The following CEMIP2 variants were observed in gnomAD, a reference collection of about 807,000 sequenced individuals.
The protein encoded by CEMIP2 is cell surface hyaluronidase CEMIP2.
CEMIP2 carries 79 observed loss-of-function variants against 146.9 expected under a neutral mutation model. The observed-to-expected ratio is 0.54, with a 90% CI of 0.45 to 0.65. The LOEUF (loss-of-function observed/expected upper bound fraction) is 0.65, where lower values mean the gene tolerates loss of function less well. Ranked by LOEUF, CEMIP2 falls within the 30% of genes least tolerant of loss-of-function variation. The pLI is 0.00. For synonymous variants in CEMIP2, 601 were observed against 606.3 expected, an observed-to-expected ratio of 0.99 and a Z score of 0.13; for missense variants, 1,596 against 1,696.2, an observed-to-expected ratio of 0.94 and a Z score of 1.04.
chr9:71,749,584 T>C (rs990876856), intron 2 of CEMIP2, among the ~76,000 whole-genome samples: 1 of 152,120 alleles, frequency 6.6e-6, no homozygotes, highest in South Asian at 2.1e-4. Context: ...CACTTGCCTG[T>C]AGTCCCAGCT....
At chr9:71,737,155 C>CAA (rs34623620) in intron 5 of CEMIP2, among the ~76,000 whole-genome samples, 2,138 of 105,318 alleles carry the variant, frequency 0.02, 23 homozygotes, top group Middle Eastern at 0.047. Context: ...AGATCTTTCT[C>CAA]AAAAAAAAAA....
At position 71,729,889 on chromosome 9, in the gene CEMIP2, G is replaced by C; in HGVS notation, c.2005C>G (p.His669Asp). ...TTATTAATCAGATTATTGTTGGGAT[G>C]AGCAATCCAGAAAGTTGAAACAGCC... ...CMAVSTFWIA[H>D]PNNNLINNAA... is the part of the protein sequence containing the mutation. The change falls in exon 10 of 24, where the codon CAT becomes GAT. Residue 669 changes from histidine (H) to aspartate (D), a missense_variant. His to Asp is a moderately conservative substitution (Grantham distance 81). Transcript: ENST00000377044. 6.2e-7 allele frequency: 1 copy of C among 1,614,192 alleles called. No individual in the cohort carries two copies. The highest frequency in any genetic ancestry group is 8.5e-7 in the Non-Finnish European group (1 of 1,180,030).
At chr9:71,690,356 A>G (rs917217966) in intron 21 of CEMIP2, 110 bp from the exon 22 acceptor site, 10 of 1,323,436 alleles carry the variant, frequency 7.6e-6, no homozygotes, top group Middle Eastern at 2.7e-4. Flanking sequence ...GATTCAAAGT[A>G]TATTTCCAAG....
chr9:71,752,927 T>G (rs1824305479), intron 1 of CEMIP2, among the ~76,000 whole-genome samples: 1 of 152,152 alleles, frequency 6.6e-6, no homozygotes, highest in Non-Finnish European at 1.5e-5. Flanking sequence ...TTTGTGGGGT[T>G]TGATTTCTGA....
At position 71,734,913 on chromosome 9, in the gene CEMIP2, G is replaced by A. The variant is rs773624874; in HGVS notation, c.1286C>T (p.Pro429Leu). Residue 429 changes from proline (P) to leucine (L), a missense_variant, in exon 6 of 24, where the codon CCT becomes CTT. Pro to Leu is a moderately conservative substitution (Grantham distance 98, BLOSUM62 -3). Transcript: ENST00000377044. ...NLLDDVSSWK[P>L]GDQIVVASTD... ...GCTTGCGACCACAATCTGGTCTCCA[G>A]GTTTCCAACTACTAACATCATCTAG... 6.8e-6 allele frequency: 11 copies of A among 1,613,476 alleles called. No individual in the cohort carries two copies. The highest frequency in any genetic ancestry group is 9.3e-6 in the Non-Finnish European group (11 of 1,179,966).
intron 5 of CEMIP2, among the ~76,000 whole-genome samples, chr9:71,737,170 A>G (rs550329751): frequency 6.6e-4 from 87 of 132,112 alleles, no homozygotes; most frequent in South Asian, 1.2e-3. Context: ...AAAAAAAAAA[A>G]AAAGAAAGAA....
intron 18 of CEMIP2, among the ~76,000 whole-genome samples, chr9:71,702,107 A>T (rs551356778): frequency 2.0e-5 from 3 of 151,970 alleles, no homozygotes; most frequent in Non-Finnish European, 2.9e-5. Flanking sequence ...AAAGTACAAA[A>T]ATTAGCTGGG....
At chr9:71,690,830 T>C (rs1822206725) in intron 21 of CEMIP2, among the ~76,000 whole-genome samples, 1 of 152,210 alleles carries the variant, frequency 6.6e-6, no homozygotes. Context: ...TTCACAACTA[T>C]TGTGAGCTAA....
chr9:71,694,857 T>G (rs1016631441), intron 20 of CEMIP2, among the ~76,000 whole-genome samples: 4 of 152,246 alleles, frequency 2.6e-5, no homozygotes, highest in Admixed American at 1.3e-4. Flanking sequence ...GTTCCATAAC[T>G]GATTAAATAA....
rs1265553508 is a variant in CEMIP2, at chr9:71,709,425, C to T, written c.2819G>A (p.Cys940Tyr). ...GGAGTTCTTATCACCATCCATCTCACAATCTTCAAACCAGGGACCAGGCTT... is the reference window on the plus strand; with the variant it reads ...GGAGTTCTTATCACCATCCATCTCATAATCTTCAAACCAGGGACCAGGCTT... The part of the protein sequence containing the change: ...FGKPGPWFED[C>Y]EMDGDKNSIF... The change falls in exon 17 of 24, where the codon TGT becomes TAT. Residue 940 changes from cysteine (C) to tyrosine (Y), a missense_variant. By Grantham distance (194) the Cys-to-Tyr change is radical. Coordinates refer to ENST00000377044, the MANE Select transcript of CEMIP2 (RefSeq NM_013390.3). The T allele has an allele frequency of 1.2e-6, 2 of 1,614,176 alleles. No homozygotes were observed. The highest frequency in any genetic ancestry group is 1.1e-5 in the South Asian group (1 of 91,082).
At chr9:71,720,366 C>T (rs1823198916) in intron 12 of CEMIP2, among the ~76,000 whole-genome samples, 1 of 152,222 alleles carries the variant, frequency 6.6e-6, no homozygotes, top group South Asian at 2.1e-4. Flanking sequence ...TCTCAGCTCA[C>T]TGCAACCTCC....
chr9:71,721,282 G>T lies in CEMIP2; in HGVS notation c.2267+1145C>A, dbSNP rs181971201. 3.5e-3 allele frequency among the ~76,000 whole-genome samples: 529 copies of T among 152,038 alleles called. 2 individuals carry two copies. Among genetic ancestry groups the T allele is most frequent in the African/African-American group, 0.012 (504 of 41,492 alleles). On this transcript the variant is annotated intron_variant, in intron 12 of 23. Coordinates refer to ENST00000377044, the MANE Select transcript of CEMIP2 (RefSeq NM_013390.3). ...ACCTTCTAGATAGAATTCTTTATTT[G>T]CCAGCTAATATTCTCCTCTTAGTTC...
intron 7 of CEMIP2, 198 bp from the exon 8 acceptor site, chr9:71,731,112 A>G: frequency 1.7e-6 from 1 of 596,108 alleles, no homozygotes; most frequent in Non-Finnish European, 3.0e-6. Context: ...AAAGAGCCAC[A>G]AAAATAGCCT....
In CEMIP2 at chr9:71,742,165, G is replaced by A. The variant is rs562228541; in HGVS notation, c.1035-1933C>T. Among the ~76,000 whole-genome samples, 82 of 152,290 alleles carry A rather than the reference G, an allele frequency of 5.4e-4. No homozygotes were observed. In the Middle Eastern group the frequency reaches 0.014, roughly 25 times the overall value. On this transcript the variant is annotated intron_variant, in intron 4 of 23. Transcript: ENST00000377044. The stretch of plus-strand genomic sequence containing the variant: ...AGATATTCACAGATAAAAGTTAACC[G>A]AAGCATGCCTACACCCTTACAAATT...
chr9:71,761,570 CT>C (rs1824639126), intron 1 of CEMIP2, among the ~76,000 whole-genome samples: 1 of 152,218 alleles, frequency 6.6e-6, no homozygotes. Context: ...TTGACTATTT[CT>C]TTCAACTGTA....
chr9:71,695,601 G>T (rs1822374995), intron 20 of CEMIP2, among the ~76,000 whole-genome samples: 1 of 152,068 alleles, frequency 6.6e-6, no homozygotes, highest in African/African-American at 2.4e-5. Flanking sequence ...TTGAGCCTGG[G>T]CGATGAAGGT....
chr9:71,698,115 G>A lies in CEMIP2; in HGVS notation c.3467C>T (p.Ala1156Val). Residue 1156 changes from alanine to valine, a missense_variant, in exon 20 of 24, where the codon GCA becomes GTA. Transcript: ENST00000377044. ...SQGCERVKIQ[A>V]ATDSKDISNC... is the part of the protein sequence containing the mutation. ...ACTGATGTCCTTTGAGTCTGTGGCTGCTTGGATCTTGACTCTTTCACATCC... is the reference window on the plus strand; with the variant it reads ...ACTGATGTCCTTTGAGTCTGTGGCTACTTGGATCTTGACTCTTTCACATCC... The A allele has an allele frequency of 1.2e-6, 2 of 1,614,136 alleles. No homozygotes were observed. The highest frequency in any genetic ancestry group is 8.5e-7 in the Non-Finnish European group (1 of 1,180,022).
At chr9:71,744,016 A>C (rs1824000933) in intron 4 of CEMIP2, among the ~76,000 whole-genome samples, 1 of 152,198 alleles carries the variant, frequency 6.6e-6, no homozygotes, top group Non-Finnish European at 1.5e-5. Context: ...CTTTTAAATG[A>C]AATGTTAGGT....
At chr9:71,748,807 A>G (rs148166951) in intron 2 of CEMIP2, among the ~76,000 whole-genome samples, 1 of 152,308 alleles carries the variant, frequency 6.6e-6, no homozygotes, top group East Asian at 1.9e-4. Context: ...TACTAGCACT[A>G]CCTCTCCCAG....
Sources: allele counts gnomAD v4.1 joint callset (sites outside exome capture counted in the v4.1 genomes callset), GRCh38; gene constraint gnomAD v4.1.1; transcripts MANE v1.5; gene names NCBI Gene and HGNC (gene_info 2026-07-23, HGNC 2026-07-21).